Variants in IGF2BP1 observed in about 807,000 individuals in gnomAD.
The protein encoded by IGF2BP1 is insulin like growth factor 2 mRNA binding protein 1.
In IGF2BP1, 11 loss-of-function variants were observed where a neutral mutation model predicts 74.9. The observed-to-expected ratio is 0.15, with a 90% CI of 0.09 to 0.24. The LOEUF (loss-of-function observed/expected upper bound fraction) is 0.24, where lower values mean the gene tolerates loss of function less well. Among genes scored for constraint, IGF2BP1 ranks in the 10% least tolerant of loss-of-function variants. The pLI, the probability that IGF2BP1 is intolerant of heterozygous loss-of-function variation, is 1.00. For missense variants in IGF2BP1, 440 were observed against 757.4 expected, an observed-to-expected ratio of 0.58 and a Z score of 4.92; for synonymous variants, 287 against 281.8, an observed-to-expected ratio of 1.02 and a Z score of -0.18.
At chr17:49,010,258 A>G (rs1041535690) in intron 2 of IGF2BP1, among the ~76,000 whole-genome samples, 2 of 152,020 alleles carry the variant, frequency 1.3e-5, no homozygotes, top group Non-Finnish European at 2.9e-5. Context: ...TGTGATTCAA[A>G]AAATGGCCAT....
intron 7 of IGF2BP1, among the ~76,000 whole-genome samples, chr17:49,040,834 A>T (rs928804539): frequency 6.6e-6 from 1 of 152,234 alleles, no homozygotes; most frequent in African/African-American, 2.4e-5. Flanking sequence ...AAATTGTTTT[A>T]AACTTTTCCT....
chr17:49,012,122 C>G (rs1395463230), intron 2 of IGF2BP1, among the ~76,000 whole-genome samples: 9 of 152,092 alleles, frequency 5.9e-5, no homozygotes, highest in Non-Finnish European at 1.0e-4. Flanking sequence ...CCAGGCTGGT[C>G]TCGAACTCCT....
chr17:49,024,429 A>G (rs1417081704), intron 2 of IGF2BP1, among the ~76,000 whole-genome samples: 1 of 151,962 alleles, frequency 6.6e-6, no homozygotes, highest in East Asian at 1.9e-4. Flanking sequence ...TAATAATGAT[A>G]ATAAAGATGG....
intron 2 of IGF2BP1, among the ~76,000 whole-genome samples, chr17:49,018,511 G>A (rs2041736737): frequency 6.6e-6 from 1 of 152,144 alleles, no homozygotes. Context: ...TGTGTTAGGT[G>A]GGGATGGGGG....
chr17:49,009,728 G>C (rs895677945), intron 2 of IGF2BP1, among the ~76,000 whole-genome samples: 1 of 150,696 alleles, frequency 6.6e-6, no homozygotes, highest in African/African-American at 2.4e-5. Context: ...AAATTTAATC[G>C]TAAAATATGC....
rs1226602558 is a variant in IGF2BP1, at chr17:49,045,946, G to C, written c.1452G>C (p.Glu484Asp). ...AGGAGAACTTCTTTGGTCCCAAGGA[G>C]GAAGTGAAGCTGGAGACCCACATAC... ...LKEENFFGPK[E>D]EVKLETHIRV... Residue 484 changes from glutamate (E) to aspartate (D), a missense_variant, in exon 13 of 15, where the codon GAG becomes GAC. Coordinates refer to ENST00000290341, the MANE Select transcript of IGF2BP1 (RefSeq NM_006546.4). 3 of 1,614,048 alleles carry C rather than the reference G, an allele frequency of 1.9e-6. No homozygotes were observed. Among genetic ancestry groups the C allele is most frequent in the Middle Eastern group, 1.6e-4 (1 of 6,084 alleles).
At chr17:49,027,720 C>T (rs1267864425) in intron 4 of IGF2BP1, among the ~76,000 whole-genome samples, 3 of 151,724 alleles carry the variant, frequency 2.0e-5, no homozygotes, top group Admixed American at 1.3e-4. Context: ...GGCGTGGTGG[C>T]GGGCACCTGT....
intron 2 of IGF2BP1, among the ~76,000 whole-genome samples, chr17:49,019,951 T>C (rs1240828029): frequency 3.0e-5 from 1 of 33,866 alleles, no homozygotes; most frequent in Non-Finnish European, 5.6e-5. Flanking sequence ...TATATATATT[T>C]ATATACACAC....
chr17:49,017,314 G>C (rs1598134216), intron 2 of IGF2BP1, among the ~76,000 whole-genome samples: 1 of 152,132 alleles, frequency 6.6e-6, no homozygotes. Context: ...CAGGTCCCCT[G>C]CTGGACTGTA....
At chr17:49,038,563 T>C in intron 6 of IGF2BP1, 114 bp downstream of exon 6, 1 of 1,133,486 alleles carries the variant, frequency 8.8e-7, no homozygotes, top group East Asian at 3.1e-5. Flanking sequence ...TTAGGAAATG[T>C]TGCCTGGAGC....
intron 5 of IGF2BP1, 86 bp from the exon 6 acceptor site, chr17:49,038,082 A>G (rs2042009160): frequency 8.1e-7 from 1 of 1,236,498 alleles, no homozygotes; most frequent in Admixed American, 3.0e-5. Flanking sequence ...TCCAAGCTGT[A>G]ACTTACTAGA....
At chr17:49,029,124 C>T (rs2144069832) in intron 4 of IGF2BP1, among the ~76,000 whole-genome samples, 1 of 152,140 alleles carries the variant, frequency 6.6e-6, no homozygotes, top group African/African-American at 2.4e-5. Context: ...TTATATTTTT[C>T]CATAGCAGTC....
Position 48,998,818 on chromosome 17 carries a change from A to G in IGF2BP1, c.176-291A>G, listed in dbSNP as rs559515238. Among the ~76,000 whole-genome samples, 141 of 152,282 alleles carry G rather than the reference A, an allele frequency of 9.3e-4. 3 individuals are homozygous for G. Among genetic ancestry groups the G allele is most frequent in the South Asian group, 2.9e-3 (14 of 4,824 alleles). On this transcript the variant is annotated intron_variant, in intron 1 of 14. Transcript: ENST00000290341. ...TGGGAGCTGTGTAGGCAGCGCACCCACACAAATGGCCTCGCACCTTTCCCA... is the reference window on the plus strand; with the variant it reads ...TGGGAGCTGTGTAGGCAGCGCACCCGCACAAATGGCCTCGCACCTTTCCCA...
intron 2 of IGF2BP1, among the ~76,000 whole-genome samples, chr17:49,019,601 GCT>G (rs909477081): frequency 6.6e-6 from 1 of 151,800 alleles, no homozygotes; most frequent in African/African-American, 2.4e-5. Flanking sequence ...TTTCCCCTGT[GCT>G]CTGATTATTT....
At chr17:49,046,115 C>T (rs2042105125) in intron 13 of IGF2BP1, 94 bp downstream of exon 13, 2 of 1,509,610 alleles carry the variant, frequency 1.3e-6, no homozygotes, top group Non-Finnish European at 9.1e-7. Context: ...CTCAGGACTC[C>T]TGATTTGCTC....
intron 6 of IGF2BP1, among the ~76,000 whole-genome samples, chr17:49,039,022 C>A (rs547950326): frequency 4.9e-4 from 75 of 151,774 alleles, no homozygotes; most frequent in Non-Finnish European, 4.4e-5. Context: ...GGATTACAGG[C>A]GCGTGCCACC....
At chr17:49,028,386 A>G (rs1257474800) in intron 4 of IGF2BP1, among the ~76,000 whole-genome samples, 2 of 152,220 alleles carry the variant, frequency 1.3e-5, no homozygotes, top group Admixed American at 1.3e-4. Context: ...CACCCACGCA[A>G]GAGTAAACTG....
At chr17:49,022,730 C>A (rs1306933969) in intron 2 of IGF2BP1, among the ~76,000 whole-genome samples, 6 of 152,210 alleles carry the variant, frequency 3.9e-5, no homozygotes, top group African/African-American at 1.4e-4. Flanking sequence ...TCCCTTCCCC[C>A]ATCCCCTCCA....
chr17:49,014,570 C>T (rs371149439), intron 2 of IGF2BP1, among the ~76,000 whole-genome samples: 5 of 152,054 alleles, frequency 3.3e-5, no homozygotes, highest in African/African-American at 1.2e-4. Context: ...GGGAGGAGGG[C>T]CACGTTGGGG....
Sources: gnomAD v4.1 joint callset for allele counts (sites outside exome capture counted in the v4.1 genomes callset) on GRCh38, gnomAD v4.1.1 for gene constraint, MANE v1.5 for transcripts, NCBI Gene and HGNC (gene_info 2026-07-23, HGNC 2026-07-21) for gene names.